OLA1: variants seen among roughly 807,000 people sequenced by gnomAD.
OLA1 encodes Obg like ATPase 1.
Under a neutral mutation model 48.4 loss-of-function variants are expected in OLA1, and 14 were observed. That is an observed-to-expected ratio of 0.29 (90% CI 0.19 to 0.45). OLA1 has a LOEUF of 0.45. Ranked by LOEUF, OLA1 falls within the 20% of genes least tolerant of loss-of-function variation. OLA1 has a pLI of 1.00. For synonymous variants in OLA1, 127 were observed against 150.4 expected (o/e 0.84, Z 1.14); for missense variants, 325 against 467.1 (o/e 0.70, Z 2.80).
At chr2:174,075,748 T>A (rs1195376709) in intron 10 of OLA1, among the ~76,000 whole-genome samples, 1 of 152,194 alleles carries the variant, frequency 6.6e-6, no homozygotes, top group African/African-American at 2.4e-5. Context: ...ATAATCATAA[T>A]GTATTCTCCA....
intron 4 of OLA1, among the ~76,000 whole-genome samples, chr2:174,165,458 G>C (rs1037435586): frequency 6.6e-6 from 1 of 152,088 alleles, no homozygotes; most frequent in East Asian, 1.9e-4. Context: ...TTTTTCAAAG[G>C]TTTCTTCGTT....
At chr2:174,099,618 T>C (rs929057557) in intron 7 of OLA1, among the ~76,000 whole-genome samples, 1 of 152,226 alleles carries the variant, frequency 6.6e-6, no homozygotes, top group African/African-American at 2.4e-5. Flanking sequence ...ACTATCCCCA[T>C]TGCAAAGTTC....
intron 4 of OLA1, chr2:174,171,975 T>TG (rs1176739336): frequency 1.9e-5 from 3 of 156,772 alleles, no homozygotes; most frequent in Non-Finnish European, 4.3e-5. Flanking sequence ...GGTCTCCAGC[T>TG]GGGACAACAT....
chr2:174,124,719 C>T (rs572794311), intron 5 of OLA1, among the ~76,000 whole-genome samples: 2 of 152,278 alleles, frequency 1.3e-5, no homozygotes, highest in South Asian at 4.1e-4. Flanking sequence ...TATTGTAACA[C>T]AATTATTAGT....
intron 4 of OLA1, among the ~76,000 whole-genome samples, chr2:174,215,914 C>A (rs936123812): frequency 9.2e-5 from 14 of 152,154 alleles, no homozygotes; most frequent in African/African-American, 2.7e-4. Context: ...CAGTTCATTT[C>A]TCCAGTAAAT....
At chr2:174,129,287 T>C (rs2105371664) in intron 5 of OLA1, among the ~76,000 whole-genome samples, 1 of 151,892 alleles carries the variant, frequency 6.6e-6, no homozygotes, top group South Asian at 2.1e-4. Context: ...TGAAACCCCG[T>C]CTCTACTAAA....
intron 4 of OLA1, among the ~76,000 whole-genome samples, chr2:174,207,812 C>G (rs997264153): frequency 6.6e-6 from 1 of 152,134 alleles, no homozygotes; most frequent in Non-Finnish European, 1.5e-5. Flanking sequence ...TTAAGTCTAA[C>G]ATTGCAAATA....
intron 7 of OLA1, among the ~76,000 whole-genome samples, chr2:174,098,986 C>T (rs1222097824): frequency 4.0e-5 from 6 of 151,830 alleles, no homozygotes; most frequent in Admixed American, 3.3e-4. Flanking sequence ...TTATTCTGTC[C>T]GTTGTATAGA....
intron 4 of OLA1, among the ~76,000 whole-genome samples, chr2:174,221,238 AGTAT>A (rs1328881834): frequency 6.7e-6 from 1 of 149,072 alleles, no homozygotes; most frequent in East Asian, 2.1e-4. Flanking sequence ...AATACAATAT[AGTAT>A]GTATGCTCCT....
intron 4 of OLA1, among the ~76,000 whole-genome samples, chr2:174,189,863 CAAA>C (rs754785994): frequency 3.6e-5 from 2 of 55,102 alleles, no homozygotes; most frequent in South Asian, 7.3e-4. Flanking sequence ...ATAATCAGAG[CAAA>C]AAAAAAAAAA....
At chr2:174,227,779 AC>A in intron 3 of OLA1, among the ~76,000 whole-genome samples, 1 of 152,236 alleles carries the variant, frequency 6.6e-6, no homozygotes, top group East Asian at 1.9e-4. Flanking sequence ...TACAATAGTA[AC>A]AAATGAAGGA....
intron 4 of OLA1, among the ~76,000 whole-genome samples, chr2:174,219,769 T>C (rs916794988): frequency 9.2e-5 from 14 of 152,152 alleles, no homozygotes; most frequent in African/African-American, 3.1e-4. Flanking sequence ...CTGAATACTG[T>C]AATTGCAAAA....
At chr2:174,228,227 A>G (rs1688655150) in intron 3 of OLA1, among the ~76,000 whole-genome samples, 1 of 152,216 alleles carries the variant, frequency 6.6e-6, no homozygotes, top group Non-Finnish European at 1.5e-5. Context: ...TCAGGACATT[A>G]AAAATAGTAA....
intron 4 of OLA1, among the ~76,000 whole-genome samples, chr2:174,208,782 C>T (rs1688171805): frequency 6.6e-6 from 1 of 152,206 alleles, no homozygotes; most frequent in Non-Finnish European, 1.5e-5. Context: ...CTTCCACACA[C>T]ACAACTTCTT....
chr2:174,132,539 T>C (rs1004863925), intron 5 of OLA1, among the ~76,000 whole-genome samples: 2 of 152,144 alleles, frequency 1.3e-5, no homozygotes, highest in Non-Finnish European at 2.9e-5. Flanking sequence ...ATTTGGTATA[T>C]TGCATGTTTA....
chr2:174,105,540 A>G (rs1459377767), intron 7 of OLA1, among the ~76,000 whole-genome samples: 3 of 152,040 alleles, frequency 2.0e-5, no homozygotes, highest in African/African-American at 7.2e-5. Flanking sequence ...AGATTAATCT[A>G]TGCCATACAA....
Position 174,203,799 on chromosome 2 carries a change from A to ATT in OLA1, c.373+19232_373+19233dup, listed in dbSNP as rs35167847. Reference sequence around the variant, plus strand: ...TTTACAGTTGGTTAAACGGAGTAGGATTTTTTTTTTTTTTTGACAGAGTCT... The same window carrying ATT: ...TTTACAGTTGGTTAAACGGAGTAGGATTTTTTTTTTTTTTTTTGACAGAGTCT... On this transcript the variant is annotated intron_variant, in intron 4 of 10. Coordinates refer to ENST00000284719, the MANE Select transcript of OLA1 (RefSeq NM_013341.5). 7.2e-3 allele frequency among the ~76,000 whole-genome samples: 1,033 copies of ATT among 142,922 alleles called. 12 individuals are homozygous for ATT. Among genetic ancestry groups the ATT allele is most frequent in the African/African-American group, 0.018 (696 of 38,988 alleles). 93.8% of individuals were successfully genotyped at this position (142,922 alleles called of 152,430 possible).
At chr2:174,148,341 A>G (rs372481562) in intron 4 of OLA1, among the ~76,000 whole-genome samples, 1 of 152,180 alleles carries the variant, frequency 6.6e-6, no homozygotes, top group Admixed American at 6.5e-5. Context: ...GTGAGCCAAG[A>G]CGGTGCCACT....
At chr2:174,235,172 A>G (rs1380716800) in intron 2 of OLA1, among the ~76,000 whole-genome samples, 1 of 152,154 alleles carries the variant, frequency 6.6e-6, no homozygotes, top group Non-Finnish European at 1.5e-5. Context: ...AAAAAAATAA[A>G]TAAATAAAAC....
Sources: allele counts gnomAD v4.1 joint callset (sites outside exome capture counted in the v4.1 genomes callset), GRCh38; gene constraint gnomAD v4.1.1; transcripts MANE v1.5; gene names NCBI Gene and HGNC (gene_info 2026-07-23, HGNC 2026-07-21).